The following NAA30 variants were observed in gnomAD, a reference collection of about 807,000 sequenced individuals.
NAA30 encodes the protein N-alpha-acetyltransferase 30.
In NAA30, 5 loss-of-function variants were observed where a neutral mutation model predicts 31.4. The observed-to-expected ratio is 0.16, with a 90% CI of 0.08 to 0.33. The LOEUF (loss-of-function observed/expected upper bound fraction) is 0.33. Ranked by LOEUF, NAA30 falls within the 10% of genes least tolerant of loss-of-function variation. The pLI is 1.00. For synonymous variants in NAA30, 222 were observed against 207.1 expected, an observed-to-expected ratio of 1.07 and a Z score of -0.62; for missense variants, 428 against 490.8, an observed-to-expected ratio of 0.87 and a Z score of 1.21.
chr14:57,390,909 C>T (rs766799757), intron 1 of NAA30, 48 bp from the exon 2 acceptor site: 2 of 1,451,324 alleles, frequency 1.4e-6, no homozygotes, highest in African/African-American at 1.5e-5. Context: ...TCTCCGCGCT[C>T]CTCGGCCGGG....
intron 4 of NAA30, among the ~76,000 whole-genome samples, chr14:57,404,622 A>G (rs934521760): frequency 3.3e-5 from 5 of 152,146 alleles, no homozygotes; most frequent in Non-Finnish European, 5.9e-5. Context: ...CATACCTGAG[A>G]CTGGGCAGTT....
intron 4 of NAA30, among the ~76,000 whole-genome samples, chr14:57,406,851 C>A (rs946251128): frequency 6.6e-6 from 1 of 152,142 alleles, no homozygotes; most frequent in South Asian, 2.1e-4. Context: ...GTATGACATA[C>A]GTTACTAGAA....
chr14:57,407,075 T>C (rs781656985), intron 4 of NAA30, among the ~76,000 whole-genome samples: 1 of 152,074 alleles, frequency 6.6e-6, no homozygotes, highest in Non-Finnish European at 1.5e-5. Flanking sequence ...TAAGGTTTTT[T>C]AGACATGGGC....
intron 4 of NAA30, among the ~76,000 whole-genome samples, chr14:57,403,038 G>A (rs1279531544): frequency 6.6e-6 from 1 of 152,078 alleles, no homozygotes; most frequent in Non-Finnish European, 1.5e-5. Flanking sequence ...AAAATTAGCT[G>A]GGCGTGGTGC....
In NAA30 at chr14:57,410,842, T is replaced by C. The variant is rs2066519601; in HGVS notation, c.*1326T>C. ...TTCAATTGAGTCAGTAAACCTGTGA[T>C]AGATAATTTATTTAACTGGAAAACC... On this transcript the variant is annotated 3_prime_UTR_variant, in exon 5 of 5. Coordinates refer to ENST00000556492, the MANE Select transcript of NAA30 (RefSeq NM_001011713.3). 1 of 152,574 alleles carries C rather than the reference T, an allele frequency of 6.6e-6. No homozygotes were observed. Among genetic ancestry groups the C allele is most frequent in the African/African-American group, 2.4e-5 (1 of 41,442 alleles). The allele number at this position is 152,574 out of a possible 1,614,324, so 9.5% of individuals were successfully genotyped here.
chr14:57,393,844 TC>T (rs1260664914), intron 2 of NAA30, among the ~76,000 whole-genome samples: 2 of 152,114 alleles, frequency 1.3e-5, no homozygotes, highest in Non-Finnish European at 2.9e-5. Context: ...TCTCCTGGCC[TC>T]TCATTATGGT....
intron 3 of NAA30, among the ~76,000 whole-genome samples, chr14:57,398,640 A>G (rs1188998668): frequency 3.2e-5 from 2 of 62,012 alleles, no homozygotes; most frequent in Admixed American, 5.6e-4. Flanking sequence ...TTTTTTTATT[A>G]TTATTTTTTT....
At chr14:57,397,930 T>G (rs2066458530) in intron 3 of NAA30, among the ~76,000 whole-genome samples, 1 of 152,126 alleles carries the variant, frequency 6.6e-6, no homozygotes, top group African/African-American at 2.4e-5. Context: ...AAAACCACTC[T>G]TCTATTCTCT....
In NAA30 at chr14:57,415,340, A is replaced by G. The variant is rs931757111; in HGVS notation, c.*5824A>G. ...CCGTCACTTGTTCATTTACAACTGC[A>G]AAGATTGTATGTCTCCTATGTTTTC... On this transcript the variant is annotated 3_prime_UTR_variant, in exon 5 of 5. Transcript: ENST00000556492. 1.3e-5 allele frequency: 2 copies of G among 152,234 alleles called. No homozygotes were observed. The highest frequency in any genetic ancestry group is 2.4e-5 in the African/African-American group (1 of 41,470). 9.4% of individuals were successfully genotyped at this position (152,234 alleles called of 1,614,324 possible).
At chr14:57,407,755 G>C (rs2066503689) in intron 4 of NAA30, among the ~76,000 whole-genome samples, 1 of 152,196 alleles carries the variant, frequency 6.6e-6, no homozygotes, top group African/African-American at 2.4e-5. Flanking sequence ...GTTTTAAGTA[G>C]AGAATTAACA....
At chr14:57,406,512 T>C (rs2066498660) in intron 4 of NAA30, among the ~76,000 whole-genome samples, 1 of 152,216 alleles carries the variant, frequency 6.6e-6, no homozygotes, top group Non-Finnish European at 1.5e-5. Flanking sequence ...TTGAGTTTTA[T>C]TCATCTGTAA....
In NAA30 at chr14:57,409,489, A is replaced by G. The variant is rs996027637; in HGVS notation, c.1062A>G (p.Ala354=). The change falls in exon 5 of 5, where the codon GCA becomes GCG. Residue 354 remains alanine (A), a synonymous_variant. Coordinates refer to ENST00000556492, the MANE Select transcript of NAA30 (RefSeq NM_001011713.3). The part of the protein sequence containing the change: ...LFRYYLNGVD[A]LRLKLWLR ...GATACTATTTAAATGGAGTTGATGC[A>G]CTGCGACTTAAACTGTGGCTGCGTT... The G allele has an allele frequency of 6.2e-7, 1 of 1,605,974 alleles. No homozygotes were observed. Among genetic ancestry groups the G allele is most frequent in the Non-Finnish European group, 8.5e-7 (1 of 1,177,234 alleles).
At chr14:57,407,976 T>G (rs2066506515) in intron 4 of NAA30, among the ~76,000 whole-genome samples, 1 of 152,168 alleles carries the variant, frequency 6.6e-6, no homozygotes, top group Admixed American at 6.5e-5. Flanking sequence ...AGATGACTCC[T>G]GGGTTTCAGG....
intron 4 of NAA30, among the ~76,000 whole-genome samples, chr14:57,401,554 G>A (rs2066477259): frequency 6.6e-6 from 1 of 152,180 alleles, no homozygotes; most frequent in Non-Finnish European, 1.5e-5. Flanking sequence ...TCAGCTCATC[G>A]AGAAAAGTCA....
intron 3 of NAA30, among the ~76,000 whole-genome samples, chr14:57,398,723 C>T (rs747168107): frequency 6.6e-6 from 1 of 152,142 alleles, no homozygotes; most frequent in Non-Finnish European, 1.5e-5. Context: ...ACCTCCGCCT[C>T]CTGTGTTCAA....
chr14:57,398,518 T>C (rs369010960), intron 3 of NAA30, among the ~76,000 whole-genome samples: 11 of 152,124 alleles, frequency 7.2e-5, no homozygotes, highest in African/African-American at 2.7e-4. Context: ...AGTGCAGTGG[T>C]GTGATCCCGG....
intron 4 of NAA30, among the ~76,000 whole-genome samples, chr14:57,403,301 T>TTACTTTC (rs2066485104): frequency 6.6e-6 from 1 of 152,344 alleles, no homozygotes; most frequent in African/African-American, 2.4e-5. Context: ...CAAACAATTT[T>TTACTTTC]TACTTTCTAT....
In NAA30 at chr14:57,412,102, AT is replaced by A. The variant is rs2066526067; in HGVS notation, c.*2591del. On this transcript the variant is annotated 3_prime_UTR_variant, in exon 5 of 5. Transcript: ENST00000556492. ...TGAAGAAGCTAACGGGTATACTATCATTTTTGATGTGTGGGCTGATTATAAT... is the reference window on the plus strand; with the variant it reads ...TGAAGAAGCTAACGGGTATACTATCATTTTGATGTGTGGGCTGATTATAAT... 1 of 152,138 alleles carries A rather than the reference AT, an allele frequency of 6.6e-6. No homozygotes were observed. The highest frequency in any genetic ancestry group is 2.4e-5 in the African/African-American group (1 of 41,446). The allele number at this position is 152,138 out of a possible 1,614,324, so 9.4% of individuals were successfully genotyped here. A position where few individuals can be genotyped will look rare whatever the true frequency, so the allele number is the denominator to read the frequency against.
Position 57,414,467 on chromosome 14 carries a change from C to T in NAA30, c.*4951C>T. On this transcript the variant is annotated 3_prime_UTR_variant, in exon 5 of 5. Transcript: ENST00000556492. ...CAAAAGTTGTTTCTGATGAGACTTA[C>T]CTTTTTAGCCTTAAAATATTTGTAT... 6.6e-6 allele frequency: 1 copy of T among 152,128 alleles called. No individual in the cohort carries two copies. The allele number at this position is 152,128 out of a possible 1,614,324, so 9.4% of individuals were successfully genotyped here. A position where few individuals can be genotyped will look rare whatever the true frequency, so the allele number is the denominator to read the frequency against.
Sources: gnomAD v4.1 joint callset for allele counts (sites outside exome capture counted in the v4.1 genomes callset) on GRCh38, gnomAD v4.1.1 for gene constraint, MANE v1.5 for transcripts, NCBI Gene and HGNC (gene_info 2026-07-23, HGNC 2026-07-21) for gene names.